The following RGS8 variants were observed in gnomAD, a reference collection of about 807,000 sequenced individuals.
RGS8 encodes the protein regulator of G protein signaling 8, also known as regulator of G-protein signaling 8.
RGS8 carries 8 observed loss-of-function variants against 21.7 expected under a neutral mutation model. The ratio of observed to expected loss-of-function variants is 0.37; its 90% CI spans 0.22 to 0.66. The LOEUF (loss-of-function observed/expected upper bound fraction) is 0.66. Ranked by LOEUF, RGS8 falls within the 30% of genes least tolerant of loss-of-function variation. RGS8 has a pLI of 0.59. For synonymous variants in RGS8, 80 were observed against 83.6 expected, an observed-to-expected ratio of 0.96 and a Z score of 0.24; for missense variants, 157 against 217.9, an observed-to-expected ratio of 0.72 and a Z score of 1.76.
At chr1:182,741,618 G>T in the RGS8 span, among the ~76,000 whole-genome samples, 5 of 120,414 alleles carry the variant, frequency 4.2e-5, no homozygotes, top group African/African-American at 1.6e-4. Context: ...GGCTGGCTGG[G>T]CGGGGGGCTG....
At chr1:182,656,080 T>G (rs1433324022) in intron 5 of RGS8, among the ~76,000 whole-genome samples, 7 of 152,220 alleles carry the variant, frequency 4.6e-5, no homozygotes, top group Non-Finnish European at 1.0e-4. Context: ...AAGTGCCTAA[T>G]AGTTCATTAT....
rs927896853 is a variant in RGS8 at position 182,669,900 on chromosome 1, G to A, written c.-103-148C>T. ...ATGTCCACTTGTCCTTAGCAGGGGC[G>A]ACAAACCAAGGATGGACAAGAACAA... is the stretch of plus-strand genomic sequence containing the variant. On this transcript the variant is annotated intron_variant, in intron 2 of 6. Coordinates refer to ENST00000483095, the Ensembl canonical transcript of RGS8. 111 of 838,180 alleles carry A rather than the reference G, an allele frequency of 1.3e-4. 1 individual carries two copies. The African/African-American group carries it at 1.6e-3, about 12-fold the overall frequency. The allele number at this position is 838,180 out of a possible 1,614,324, so 51.9% of individuals were successfully genotyped here.
At chr1:182,673,723 G>A (rs1168412592), upstream of RGS8, among the ~76,000 whole-genome samples, 7 of 152,046 alleles carry the variant, frequency 4.6e-5, no homozygotes, top group South Asian at 2.1e-4. Context: ...GTTGCTAATT[G>A]GGGTTTAGAA....
upstream of RGS8, among the ~76,000 whole-genome samples, chr1:182,673,726 G>T (rs562219777): frequency 5.8e-4 from 89 of 152,196 alleles, no homozygotes; most frequent in African/African-American, 2.1e-3. Context: ...GCTAATTGGG[G>T]TTTAGAACTT....
chr1:182,740,303 G>T, the RGS8 span, among the ~76,000 whole-genome samples: 1 of 152,098 alleles, frequency 6.6e-6, no homozygotes, highest in East Asian at 1.9e-4. Flanking sequence ...CCAGAGAGTG[G>T]GGCATAAGCA....
Position 182,671,747 on chromosome 1 carries a change from T to C in RGS8, c.-177-17A>G, listed in dbSNP as rs758048889. 8 of 1,613,854 alleles carry C rather than the reference T, an allele frequency of 5.0e-6. No homozygotes were observed. The highest frequency in any genetic ancestry group is 6.8e-6 in the Non-Finnish European group (8 of 1,179,858). On this transcript the variant is annotated splice_polypyrimidine_tract_variant and intron_variant, in intron 1 of 6. Transcript: ENST00000483095. ...TAAGGTGTTCTGGGGAAAAAGTAGA[T>C]CTTTCTTTTAGCAGTCAAATCCTCG... is the stretch of plus-strand genomic sequence containing the variant.
At chr1:182,706,139 C>T in the RGS8 span, among the ~76,000 whole-genome samples, 4 of 151,994 alleles carry the variant, frequency 2.6e-5, no homozygotes, top group African/African-American at 7.3e-5. Context: ...TGCACTACTA[C>T]GCCCAGCTCA....
At chr1:182,726,139 T>A in the RGS8 span, among the ~76,000 whole-genome samples, 1 of 151,798 alleles carries the variant, frequency 6.6e-6, no homozygotes, top group Non-Finnish European at 1.5e-5. Flanking sequence ...TGGCACTGAT[T>A]GCTTTTGGGA....
chr1:182,714,869 T>C, the RGS8 span, among the ~76,000 whole-genome samples: 1 of 152,254 alleles, frequency 6.6e-6, no homozygotes, highest in South Asian at 2.1e-4. Context: ...TATGAAAAAC[T>C]GAGCATCTCT....
At chr1:182,731,385 TCTC>T in the RGS8 span, among the ~76,000 whole-genome samples, 1 of 152,178 alleles carries the variant, frequency 6.6e-6, no homozygotes, top group Non-Finnish European at 1.5e-5. Context: ...GTAAAATAAT[TCTC>T]CTTTACCTGT....
At chr1:182,716,457 T>C in the RGS8 span, among the ~76,000 whole-genome samples, 6 of 151,264 alleles carry the variant, frequency 4.0e-5, no homozygotes, top group African/African-American at 1.2e-4. Context: ...TTCATTATTG[T>C]ATTGCTATTT....
At chr1:182,750,564 T>G in the RGS8 span, among the ~76,000 whole-genome samples, 1 of 152,356 alleles carries the variant, frequency 6.6e-6, no homozygotes, top group South Asian at 2.1e-4. Context: ...TGGATTATCT[T>G]GTTCTCTCAC....
exon 7 of RGS8, chr1:182,646,621 C>T (rs192303137): frequency 2.1e-6 from 2 of 971,584 alleles, no homozygotes; most frequent in Non-Finnish European, 3.1e-6. Context: ...CACCCCCAGC[C>T]TCCCACCCCC....
chr1:182,718,880 C>A, the RGS8 span, among the ~76,000 whole-genome samples: 1 of 152,176 alleles, frequency 6.6e-6, no homozygotes, highest in African/African-American at 2.4e-5. Flanking sequence ...ACAAGTTAGA[C>A]AAACATATGT....
At chr1:182,734,934 A>G in the RGS8 span, among the ~76,000 whole-genome samples, 1 of 152,246 alleles carries the variant, frequency 6.6e-6, no homozygotes, top group Non-Finnish European at 1.5e-5. Context: ...GACAGGTGAA[A>G]TTAATTTTTA....
intron 1 of RGS8, among the ~76,000 whole-genome samples, chr1:182,682,653 G>C (rs1232717713): frequency 6.6e-6 from 1 of 152,178 alleles, no homozygotes; most frequent in Non-Finnish European, 1.5e-5. Flanking sequence ...AAGCTGCTCA[G>C]TGGCCCTGAG....
chr1:182,689,016 T>C (rs34194740), upstream of RGS8, among the ~76,000 whole-genome samples: 47,439 of 152,062 alleles, frequency 0.31, 7,467 homozygotes, highest in East Asian at 0.4. Flanking sequence ...AGTCACTGTG[T>C]CCGTGGTAAT....
intron 1 of RGS8, among the ~76,000 whole-genome samples, chr1:182,683,336 A>T (rs1664598981): frequency 6.6e-6 from 1 of 152,170 alleles, no homozygotes; most frequent in Admixed American, 6.5e-5. Flanking sequence ...GTAACCAAGA[A>T]CTACTATGAT....
chr1:182,730,634 C>T, the RGS8 span, among the ~76,000 whole-genome samples: 24 of 151,670 alleles, frequency 1.6e-4, no homozygotes, highest in Admixed American at 3.3e-4. Context: ...TGCTTGATCC[C>T]GGGAGACGGG....
Sources: allele counts gnomAD v4.1 joint callset (sites outside exome capture counted in the v4.1 genomes callset), GRCh38; gene constraint gnomAD v4.1.1; transcripts MANE v1.5; gene names NCBI Gene and HGNC (gene_info 2026-07-23, HGNC 2026-07-21).